The following KMT5A variants were observed in gnomAD, a reference collection of about 807,000 sequenced individuals.
The protein encoded by KMT5A is lysine methyltransferase 5A, also known as N-lysine methyltransferase KMT5A.
In KMT5A, 6 loss-of-function variants were observed where a neutral mutation model predicts 40.6. That is an observed-to-expected ratio of 0.15 (90% CI 0.08 to 0.29). The LOEUF (loss-of-function observed/expected upper bound fraction) is 0.29, where lower values mean the gene tolerates loss of function less well. Ranked by LOEUF, KMT5A falls within the 10% of genes least tolerant of loss-of-function variation. The pLI is 1.00. For synonymous variants in KMT5A, 153 were observed against 178.8 expected (o/e 0.86, Z 1.15); for missense variants, 308 against 459.1 (o/e 0.67, Z 3.01).
At position 123,390,619 on chromosome 12, in the gene KMT5A, T is replaced by C; in HGVS notation, c.133-11T>C. 6.2e-7 allele frequency: 1 copy of C among 1,612,966 alleles called. No individual in the cohort carries two copies. Among genetic ancestry groups the C allele is most frequent in the Non-Finnish European group, 8.5e-7 (1 of 1,179,550 alleles). On this transcript the variant is annotated splice_polypyrimidine_tract_variant and intron_variant, in intron 2 of 7. Transcript: ENST00000402868. ...TCAAGCCTCTTTCAGAATATGCTTT[T>C]GTCTTTTTAGGAGAACGTATTTACC...
At position 123,408,326 on chromosome 12, in the gene KMT5A, G is replaced by C. The variant is rs1366214375; in HGVS notation, c.*623G>C. ...TAGATTTCCTCTTCCACAAGCTGCC[G>C]CTTTTCTGGGCACCTTGAAGCATCA... is the stretch of plus-strand genomic sequence containing the variant. On this transcript the variant is annotated 3_prime_UTR_variant, in exon 8 of 8. Transcript: ENST00000402868. 6.6e-6 allele frequency: 1 copy of C among 152,540 alleles called. No homozygotes were observed. Among genetic ancestry groups the C allele is most frequent in the Non-Finnish European group, 1.5e-5 (1 of 68,016 alleles). The allele number at this position is 152,540 out of a possible 1,614,324, so 9.4% of individuals were successfully genotyped here.
chr12:123,384,275 T>C lies in KMT5A; in HGVS notation c.10+67T>C. On this transcript the variant is annotated intron_variant, in intron 1 of 7. Transcript: ENST00000402868. This position sits in a 1 kb window ranked among gnomAD's most constrained non-coding sequence, Gnocchi z 5.7. ...GGTCGTGCTGGAGGGGTTGCCGGGGTGGAGGCAGCGGCTGCGGGGAGGCGT... is the reference window on the plus strand; with the variant it reads ...GGTCGTGCTGGAGGGGTTGCCGGGGCGGAGGCAGCGGCTGCGGGGAGGCGT... The C allele has an allele frequency of 6.3e-7, 1 of 1,594,610 alleles. No homozygotes were observed. The highest frequency in any genetic ancestry group is 1.8e-4 in the Middle Eastern group (1 of 5,466).
At chr12:123,393,480 C>CT (rs1233253354) in intron 3 of KMT5A, among the ~76,000 whole-genome samples, 3 of 152,158 alleles carry the variant, frequency 2.0e-5, no homozygotes, top group Admixed American at 2.0e-4. Context: ...TGTCTGGCTT[C>CT]TTTCACTGAG....
At chr12:123,392,663 C>G (rs2139169768) in intron 3 of KMT5A, among the ~76,000 whole-genome samples, 1 of 152,190 alleles carries the variant, frequency 6.6e-6, no homozygotes, top group South Asian at 2.1e-4. Flanking sequence ...AACCCCATCT[C>G]TAATATAAAA....
At chr12:123,399,441 C>T (rs1877983605) in intron 5 of KMT5A, among the ~76,000 whole-genome samples, 3 of 152,258 alleles carry the variant, frequency 2.0e-5, no homozygotes, top group Non-Finnish European at 4.4e-5. Flanking sequence ...CTTCCCTCTG[C>T]GCATCTCCTA....
rs188639883 is a variant in KMT5A, at chr12:123,400,121, C to T, written c.598-3452C>T. ...ACAGGCGTGAGCCACTGAGCCCGGC[C>T]GTGAGACCCCATCTTAAAAAATAAT... On this transcript the variant is annotated intron_variant, in intron 5 of 7. Coordinates refer to ENST00000402868, the MANE Select transcript of KMT5A (RefSeq NM_020382.7). Among the ~76,000 whole-genome samples, 377 of 151,414 alleles carry T rather than the reference C, an allele frequency of 2.5e-3. 3 individuals carry two copies. The highest frequency in any genetic ancestry group is 8.7e-3 in the African/African-American group (360 of 41,246).
In KMT5A at chr12:123,384,771, C is replaced by T. The variant is rs1227281108; in HGVS notation, c.10+563C>T. 6.6e-6 allele frequency among the ~76,000 whole-genome samples: 1 copy of T among 152,264 alleles called. No homozygotes were observed. Among genetic ancestry groups the T allele is most frequent in the African/African-American group, 2.4e-5 (1 of 41,480 alleles). ...CCCGCTGGCCCACTTTGGGGTAAAA[C>T]GGGTTCCTGGCATCTCGCGGGCGCG... is the stretch of plus-strand genomic sequence containing the variant. On this transcript the variant is annotated intron_variant, in intron 1 of 7. Transcript: ENST00000402868. This position sits in a 1 kb window ranked among gnomAD's most constrained non-coding sequence, Gnocchi z 5.7.
At position 123,395,249 on chromosome 12, in the gene KMT5A, A is replaced by T. The variant is rs761893852; in HGVS notation, c.492A>T (p.Lys164Asn). The part of the protein sequence containing the change: ...KQALKKPIKG[K>N]QAPRKKAQGK... ...CCCTGAAAAAGCCCATCAAGGGCAA[A>T]CAGGCCCCCCGAAAAAAGTAAGTGC... The change falls in exon 4 of 8, where the codon AAA becomes AAT. Residue 164 changes from lysine (K) to asparagine (N), a missense_variant. Coordinates refer to ENST00000402868, the MANE Select transcript of KMT5A (RefSeq NM_020382.7). The T allele has an allele frequency of 1.9e-6, 3 of 1,613,324 alleles. No individual in the cohort carries two copies. Among genetic ancestry groups the T allele is most frequent in the Non-Finnish European group, 2.5e-6 (3 of 1,179,700 alleles).
At chr12:123,388,904 C>A (rs1040256788) in intron 1 of KMT5A, 1 of 146,462 alleles carries the variant, frequency 6.8e-6, no homozygotes, top group African/African-American at 2.5e-5. Context: ...GCGGCGCCGC[C>A]CCTACCAGCC....
At position 123,400,465 on chromosome 12, in the gene KMT5A, A is replaced by G. The variant is rs536147804; in HGVS notation, c.598-3108A>G. Among the ~76,000 whole-genome samples the G allele has an allele frequency of 8.5e-3, 1,275 of 150,802 alleles. 15 individuals are homozygous for G. Among genetic ancestry groups the G allele is most frequent in the South Asian group, 0.036 (171 of 4,758 alleles). ...AACCTCCACCTCCCAGGTTCAAGCA[A>G]TTCTCCTGCCTCAACCTCCCAAGTA... On this transcript the variant is annotated intron_variant, in intron 5 of 7. Transcript: ENST00000402868.
intron 6 of KMT5A, 151 bp from the exon 7 acceptor site, chr12:123,404,733 A>G: frequency 1.4e-6 from 1 of 707,610 alleles, no homozygotes; most frequent in Non-Finnish European, 2.3e-6. Context: ...CATAAAACCC[A>G]TCAGCCTGTA....
chr12:123,390,950 G>C, intron 3 of KMT5A, 164 bp downstream of exon 3: 1 of 795,860 alleles, frequency 1.3e-6, no homozygotes. Flanking sequence ...CTTGTCCCAG[G>C]GTGTGTGCCC....
At position 123,403,570 on chromosome 12, in the gene KMT5A, C is replaced by A. The variant is rs1229132936; in HGVS notation, c.598-3C>A. 1.2e-6 allele frequency: 2 copies of A among 1,614,012 alleles called. No individual in the cohort carries two copies. The highest frequency in any genetic ancestry group is 1.7e-6 in the Non-Finnish European group (2 of 1,179,972). ...GATGCTGTTTTTCTTTCTCTCTGCCCAGTCTGAAGAAAGGAAAAGAATAGA... is the reference window on the plus strand; with the variant it reads ...GATGCTGTTTTTCTTTCTCTCTGCCAAGTCTGAAGAAAGGAAAAGAATAGA... On this transcript the variant is annotated splice_polypyrimidine_tract_variant and splice_region_variant and intron_variant, in intron 5 of 7. Coordinates refer to ENST00000402868, the MANE Select transcript of KMT5A (RefSeq NM_020382.7).
chr12:123,384,332 A>T lies in KMT5A; in HGVS notation c.10+124A>T. 7.4e-7 allele frequency: 1 copy of T among 1,355,342 alleles called. No homozygotes were observed. Among genetic ancestry groups the T allele is most frequent in the Non-Finnish European group, 1.0e-6 (1 of 987,998 alleles). The allele number at this position is 1,355,342 out of a possible 1,614,324, so 84.0% of individuals were successfully genotyped here. ...CGGGTGGCTCGGGGCAAGCTTGGGG[A>T]CCCGCGTGGGGGGAGAGGGGGTGCT... On this transcript the variant is annotated intron_variant, in intron 1 of 7. Transcript: ENST00000402868. This position sits in a 1 kb window ranked among gnomAD's most constrained non-coding sequence, Gnocchi z 5.7.
rs1876734338 is a variant in KMT5A, at chr12:123,384,327, T to C, written c.10+119T>C. 1 of 1,401,142 alleles carries C rather than the reference T, an allele frequency of 7.1e-7. No homozygotes were observed. The highest frequency in any genetic ancestry group is 9.8e-7 in the Non-Finnish European group (1 of 1,024,970). 86.8% of individuals were successfully genotyped at this position (1,401,142 alleles called of 1,614,324 possible). A position where few individuals can be genotyped will look rare whatever the true frequency, so the allele number is the denominator to read the frequency against. ...CTCCTCGGGTGGCTCGGGGCAAGCT[T>C]GGGGACCCGCGTGGGGGGAGAGGGG... is the stretch of plus-strand genomic sequence containing the variant. On this transcript the variant is annotated intron_variant, in intron 1 of 7. Transcript: ENST00000402868. The surrounding 1 kb of genome is among the most constrained non-coding windows in gnomAD (Gnocchi z 5.7).
intron 3 of KMT5A, among the ~76,000 whole-genome samples, chr12:123,394,782 C>T (rs1877566078): frequency 6.6e-6 from 1 of 152,204 alleles, no homozygotes; most frequent in African/African-American, 2.4e-5. Context: ...TCTGGTGCCT[C>T]TCCCTCACAG....
chr12:123,393,463 C>T (rs1312010310), intron 3 of KMT5A, among the ~76,000 whole-genome samples: 1 of 152,148 alleles, frequency 6.6e-6, no homozygotes, highest in African/African-American at 2.4e-5. Context: ...AAATACATAG[C>T]CTTTTGTGTC....
intron 5 of KMT5A, among the ~76,000 whole-genome samples, chr12:123,399,100 G>C (rs1877959118): frequency 6.6e-6 from 1 of 152,272 alleles, no homozygotes; most frequent in Admixed American, 6.5e-5. Flanking sequence ...CTGGCTGTGG[G>C]TGGGGTGGCA....
In KMT5A at chr12:123,384,852, G is replaced by T. The variant is rs1876779962; in HGVS notation, c.10+644G>T. Among the ~76,000 whole-genome samples the T allele has an allele frequency of 6.6e-6, 1 of 152,170 alleles. No homozygotes were observed. The highest frequency in any genetic ancestry group is 1.5e-5 in the Non-Finnish European group (1 of 68,020). On this transcript the variant is annotated intron_variant, in intron 1 of 7. Coordinates refer to ENST00000402868, the MANE Select transcript of KMT5A (RefSeq NM_020382.7). This position sits in a 1 kb window ranked among gnomAD's most constrained non-coding sequence, Gnocchi z 5.7. ...GCCCCCCGGTAGATGGCTTGGGTGG[G>T]CTTGTACAGCCCTGGGAGGCGATGC...
Sources: allele counts gnomAD v4.1 joint callset (sites outside exome capture counted in the v4.1 genomes callset), GRCh38; gene constraint gnomAD v4.1.1; non-coding constraint Gnocchi (gnomAD v3.1); transcripts MANE v1.5; gene names NCBI Gene and HGNC (gene_info 2026-07-23, HGNC 2026-07-21).